Variants in UPP1 observed in about 807,000 individuals in gnomAD.
The protein encoded by UPP1 is uridine phosphorylase 1.
In UPP1, 25 loss-of-function variants were observed where a neutral mutation model predicts 29.6. The observed-to-expected ratio is 0.85, with a 90% CI of 0.62 to 1.18. UPP1 has a LOEUF of 1.18. Among genes scored for constraint, UPP1 ranks in the 50% most tolerant of loss-of-function variants. The pLI, the probability that UPP1 is intolerant of heterozygous loss-of-function variation, is 0.00. For missense variants in UPP1, 368 were observed against 410.4 expected (o/e 0.90, Z 0.89); for synonymous variants, 165 against 159.8 (o/e 1.03, Z -0.25).
chr7:48,097,529 C>T lies in UPP1; in HGVS notation c.45-2141C>T, dbSNP rs555418296. Among the ~76,000 whole-genome samples, 16 of 152,314 alleles carry T rather than the reference C, an allele frequency of 1.1e-4. No homozygotes were observed. In the East Asian group the frequency reaches 2.9e-3, roughly 28 times the overall value. ...GATTACAGGAGTGAGCCACTGTACC[C>T]GGCCAAATTTTCATGTTTTAAAATA... On this transcript the variant is annotated intron_variant, in intron 3 of 8. Transcript: ENST00000395564.
At position 48,095,150 on chromosome 7, in the gene UPP1, A is replaced by G. The variant is rs530843830; in HGVS notation, c.44+323A>G. 1.1e-3 allele frequency among the ~76,000 whole-genome samples: 163 copies of G among 152,050 alleles called. 3 individuals are homozygous for G. The highest frequency in any genetic ancestry group is 3.6e-3 in the African/African-American group (150 of 41,448). On this transcript the variant is annotated intron_variant, in intron 3 of 8. Transcript: ENST00000395564. ...TCTTAAACAAAATCCCCTGCTTATC[A>G]CTCAGCTCTGCCTTGGTTCTGAATT...
At chr7:48,098,007 C>T (rs900587904) in intron 3 of UPP1, among the ~76,000 whole-genome samples, 16 of 152,130 alleles carry the variant, frequency 1.1e-4, no homozygotes, top group Admixed American at 9.2e-4. Flanking sequence ...TAGGGGCAGG[C>T]GGGTGTGGCT....
Position 48,108,293 on chromosome 7 carries a change from A to C in UPP1, c.869A>C (p.Glu290Ala), listed in dbSNP as rs762478345. The change falls in exon 9 of 9, where the codon GAG (glutamate) becomes GCG (alanine). Residue 290 changes from glutamate (E) to alanine (A), a missense_variant. Coordinates refer to ENST00000395564, the MANE Select transcript of UPP1 (RefSeq NM_003364.4). Reference sequence around the variant, plus strand: ...AGCAGCCCTCGCAATGTGCTCAGCGAGTACCAGCAGAGGCCGCAGCGGCTG... The same window carrying C: ...AGCAGCCCTCGCAATGTGCTCAGCGCGTACCAGCAGAGGCCGCAGCGGCTG... ...QISSPRNVLSEYQQRPQRLVS... is the reference protein window; with the variant it reads ...QISSPRNVLSAYQQRPQRLVS... 1.2e-6 allele frequency: 2 copies of C among 1,614,170 alleles called. No individual in the cohort carries two copies. The highest frequency in any genetic ancestry group is 1.7e-6 in the Non-Finnish European group (2 of 1,180,040).
chr7:48,091,907 AACCAAACCT>A (rs1791858499), intron 2 of UPP1, among the ~76,000 whole-genome samples: 1 of 152,200 alleles, frequency 6.6e-6, no homozygotes. Flanking sequence ...AAAGAAAAGC[AACCAAACCT>A]AGAGAGAAAC....
At chr7:48,108,145 G>A (rs777873094) in intron 8 of UPP1, 73 bp from the exon 9 acceptor site, 56 of 1,564,156 alleles carry the variant, frequency 3.6e-5, no homozygotes, top group Non-Finnish European at 4.5e-5. Context: ...AGAGCTCGTG[G>A]GTTCTTCATC....
intron 5 of UPP1, among the ~76,000 whole-genome samples, chr7:48,102,951 G>A (rs922315192): frequency 6.6e-6 from 1 of 152,182 alleles, no homozygotes; most frequent in Admixed American, 6.5e-5. Flanking sequence ...CTGTGGTGGG[G>A]TGTGGGAGAA....
intron 7 of UPP1, 117 bp from the exon 8 acceptor site, chr7:48,107,244 A>G: frequency 1.4e-6 from 2 of 1,434,764 alleles, no homozygotes; most frequent in Non-Finnish European, 9.6e-7. Context: ...TGGTCATTAT[A>G]GGCAGGACCT....
intron 1 of UPP1, chr7:48,089,782 G>C (rs1455484033): frequency 6.6e-6 from 1 of 152,280 alleles, no homozygotes; most frequent in Non-Finnish European, 1.5e-5. Context: ...AGCCAGAGCC[G>C]GCAGGGTCAG....
chr7:48,093,588 T>TG (rs1791965644), intron 2 of UPP1, among the ~76,000 whole-genome samples: 1 of 152,214 alleles, frequency 6.6e-6, no homozygotes, highest in Non-Finnish European at 1.5e-5. Context: ...CTCACCCTCC[T>TG]TCAAAGAGCT....
chr7:48,104,194 G>A (rs917689303), intron 6 of UPP1, among the ~76,000 whole-genome samples: 7 of 151,992 alleles, frequency 4.6e-5, no homozygotes, highest in Admixed American at 1.3e-4. Context: ...CTTCAGCCTG[G>A]CAACAGAGCG....
rs1792885190 is a variant in UPP1, at chr7:48,108,294, G to A, written c.870G>A (p.Glu290=). 4.3e-6 allele frequency: 7 copies of A among 1,614,024 alleles called. No individual in the cohort carries two copies. The highest frequency in any genetic ancestry group is 3.3e-5 in the Admixed American group (2 of 60,008). The change falls in exon 9 of 9, where the codon GAG becomes GAA. Residue 290 remains glutamate (E), a synonymous_variant. Transcript: ENST00000395564. ...GCAGCCCTCGCAATGTGCTCAGCGA[G>A]TACCAGCAGAGGCCGCAGCGGCTGG... ...QISSPRNVLS[E]YQQRPQRLVS...
chr7:48,091,596 C>G (rs539779106), intron 2 of UPP1, among the ~76,000 whole-genome samples: 1 of 152,202 alleles, frequency 6.6e-6, no homozygotes, highest in South Asian at 2.1e-4. Flanking sequence ...TCAGTGCAGT[C>G]TGACATCTTC....
intron 8 of UPP1, among the ~76,000 whole-genome samples, chr7:48,108,009 G>A (rs1056801852): frequency 6.6e-6 from 1 of 152,178 alleles, no homozygotes; most frequent in African/African-American, 2.4e-5. Flanking sequence ...GGGCAGGGTG[G>A]TGTCAGAGAG....
chr7:48,091,576 T>A (rs186964027), intron 2 of UPP1, among the ~76,000 whole-genome samples: 171 of 152,224 alleles, frequency 1.1e-3, no homozygotes, highest in African/African-American at 4.0e-3. Context: ...AGGAGAAAGG[T>A]TTTCTAAAAT....
chr7:48,107,047 T>C lies in UPP1; in HGVS notation c.611T>C (p.Val204Ala), dbSNP rs550075804. ...SAELSEFTTV[V>A]GNTMCTLDFY... ...GAGCTGAGCGAGTTCACCACAGTGGTGGGGAACACCATGTGCACCTTGGAC... is the reference window on the plus strand; with the variant it reads ...GAGCTGAGCGAGTTCACCACAGTGGCGGGGAACACCATGTGCACCTTGGAC... The change falls in exon 7 of 9, where the codon GTG becomes GCG. Residue 204 changes from valine (V) to alanine (A), a missense_variant. Val to Ala is a moderately conservative substitution (Grantham distance 64). Transcript: ENST00000395564. 1 of 1,612,294 alleles carries C rather than the reference T, an allele frequency of 6.2e-7. No homozygotes were observed. Among genetic ancestry groups the C allele is most frequent in the South Asian group, 1.1e-5 (1 of 90,988 alleles).
intron 2 of UPP1, among the ~76,000 whole-genome samples, chr7:48,092,422 TCTC>T (rs1791888812): frequency 6.6e-6 from 1 of 152,138 alleles, no homozygotes; most frequent in Admixed American, 6.5e-5. Flanking sequence ...CTGGCTTCTC[TCTC>T]CTCCTTCCAC....
At chr7:48,106,210 T>C (rs1792724463) in intron 6 of UPP1, 1 of 153,832 alleles carries the variant, frequency 6.5e-6, no homozygotes, top group Non-Finnish European at 1.4e-5. Flanking sequence ...AAACACATCA[T>C]GGTATATGGT....
Position 48,089,273 on chromosome 7 carries a change from G to A in UPP1, c.-344G>A, listed in dbSNP as rs1234758986. On this transcript the variant is annotated 5_prime_UTR_variant, in exon 1 of 9. Coordinates refer to ENST00000395564, the MANE Select transcript of UPP1 (RefSeq NM_003364.4). ...TCGCAGGTGGTTCCCTCATTCGAGT[G>A]CTCCGGCGCACAGACCCGCGCCCCG... is the stretch of plus-strand genomic sequence containing the variant. 1 of 152,326 alleles carries A rather than the reference G, an allele frequency of 6.6e-6. No individual in the cohort carries two copies. 9.4% of individuals were successfully genotyped at this position (152,326 alleles called of 1,614,324 possible). A position where few individuals can be genotyped will look rare whatever the true frequency, so the allele number is the denominator to read the frequency against.
chr7:48,107,369 CGTCT>C lies in UPP1; in HGVS notation c.657_660del (p.Leu220MetfsTer53). 1.2e-6 allele frequency: 2 copies of C among 1,612,156 alleles called. No homozygotes were observed. The highest frequency in any genetic ancestry group is 1.7e-6 in the Non-Finnish European group (2 of 1,178,752). On this transcript the variant is annotated frameshift_variant, in exon 8 of 9. Coordinates refer to ENST00000395564, the MANE Select transcript of UPP1 (RefSeq NM_003364.4). LOFTEE classifies it high-confidence loss of function. ...CTCCATGTGTGCCTCAGGGCAAGGC[CGTCT>C]GGATGGGGCTCTCTGCTCCTACACG...
Sources: gnomAD v4.1 joint callset for allele counts (sites outside exome capture counted in the v4.1 genomes callset) on GRCh38, gnomAD v4.1.1 for gene constraint, MANE v1.5 for transcripts, NCBI Gene and HGNC (gene_info 2026-07-23, HGNC 2026-07-21) for gene names.